CYYR1: variants seen among roughly 807,000 people sequenced by gnomAD.
The protein encoded by CYYR1 is cysteine and tyrosine-rich protein 1.
CYYR1 carries 14 observed loss-of-function variants against 15.2 expected under a neutral mutation model. That is an observed-to-expected ratio of 0.92 (90% confidence interval 0.61 to 1.44). CYYR1 has a LOEUF of 1.44. CYYR1 is among the 40% of genes most tolerant of loss of function. The pLI is 0.00. For missense variants in CYYR1, 228 were observed against 209.5 expected (o/e 1.09, Z -0.54); for synonymous variants, 80 against 77.4 (o/e 1.03, Z -0.18).
intron 2 of CYYR1, among the ~76,000 whole-genome samples, chr21:26,557,751 T>C (rs942426772): frequency 2.0e-5 from 3 of 152,138 alleles, no homozygotes; most frequent in African/African-American, 7.2e-5. Context: ...TATGTGATGT[T>C]TCATGCTCTC....
intron 2 of CYYR1, among the ~76,000 whole-genome samples, chr21:26,536,862 G>A (rs1431953866): frequency 6.6e-6 from 1 of 152,110 alleles, no homozygotes; most frequent in Non-Finnish European, 1.5e-5. Context: ...CTTTCTGGAT[G>A]CTAAATTTGC....
At chr21:26,570,836 C>A (rs1980963237) in intron 1 of CYYR1, among the ~76,000 whole-genome samples, 1 of 152,118 alleles carries the variant, frequency 6.6e-6, no homozygotes, top group African/African-American at 2.4e-5. Flanking sequence ...ATGTACAGAT[C>A]TTGATTTTTG....
intron 2 of CYYR1, chr21:26,564,754 A>C: frequency 8.1e-7 from 1 of 1,228,762 alleles, no homozygotes; most frequent in Admixed American, 2.4e-5. Context: ...CCAGATGACC[A>C]AAGAATCACA....
At chr21:26,495,464 T>TA (rs1295684412) in intron 2 of CYYR1, among the ~76,000 whole-genome samples, 3 of 152,316 alleles carry the variant, frequency 2.0e-5, no homozygotes, top group Non-Finnish European at 4.4e-5. Flanking sequence ...GTCACTTCAG[T>TA]AAAGTCACGT....
chr21:26,540,901 G>A (rs907547642), intron 2 of CYYR1, among the ~76,000 whole-genome samples: 5 of 152,148 alleles, frequency 3.3e-5, no homozygotes, highest in Non-Finnish European at 7.4e-5. Flanking sequence ...AAATATGTTT[G>A]TGATGAATGG....
chr21:26,572,803 G>A (rs534529050), intron 1 of CYYR1, 65 bp downstream of exon 1: 2 of 1,590,404 alleles, frequency 1.3e-6, no homozygotes, highest in Admixed American at 1.7e-5. Context: ...ACCCACGTTA[G>A]CCCGGACCGT....
intron 2 of CYYR1, among the ~76,000 whole-genome samples, chr21:26,494,970 T>C (rs2065375794): frequency 6.6e-6 from 1 of 152,184 alleles, no homozygotes; most frequent in South Asian, 2.1e-4. Context: ...TTCTTTTCTA[T>C]GTCCCAGAAG....
rs1229832178 is a variant in CYYR1 at position 26,517,302 on chromosome 21, A to C, written c.177-36873T>G. On this transcript the variant is annotated intron_variant, in intron 2 of 3. Coordinates refer to ENST00000652641, the MANE Select transcript of CYYR1 (RefSeq NM_001320768.2). ...TTCTGCAATCCATTGTTTACTTCAT[A>C]TTATTAGACAGTTTTAATATGGTAT... 2.0e-5 allele frequency among the ~76,000 whole-genome samples: 3 copies of C among 152,240 alleles called. No homozygotes were observed. In the East Asian group the frequency reaches 5.8e-4, roughly 29 times the overall value.
intron 2 of CYYR1, among the ~76,000 whole-genome samples, chr21:26,523,243 C>T (rs1278720382): frequency 6.6e-6 from 1 of 152,114 alleles, no homozygotes; most frequent in Non-Finnish European, 1.5e-5. Context: ...ACTATTGATG[C>T]TACCTCTAAA....
intron 2 of CYYR1, among the ~76,000 whole-genome samples, chr21:26,493,324 T>C (rs1263979683): frequency 6.6e-6 from 1 of 152,018 alleles, no homozygotes; most frequent in African/African-American, 2.4e-5. Context: ...GGAGAGTGGA[T>C]TTGATGGGTA....
chr21:26,520,818 C>T (rs1000392073), intron 2 of CYYR1, among the ~76,000 whole-genome samples: 1 of 152,144 alleles, frequency 6.6e-6, no homozygotes, highest in Non-Finnish European at 1.5e-5. Context: ...ATTTCTGTTT[C>T]TCTGATGATC....
chr21:26,507,028 A>C (rs2065576429), intron 2 of CYYR1, among the ~76,000 whole-genome samples: 1 of 152,198 alleles, frequency 6.6e-6, no homozygotes, highest in Admixed American at 6.5e-5. Flanking sequence ...ACTTCAAAAA[A>C]ATCAAAGAGT....
intron 2 of CYYR1, among the ~76,000 whole-genome samples, chr21:26,542,928 A>C (rs1166158636): frequency 6.6e-6 from 1 of 152,218 alleles, no homozygotes; most frequent in Non-Finnish European, 1.5e-5. Flanking sequence ...GCAAGGACTG[A>C]CTCACATTTA....
intron 2 of CYYR1, among the ~76,000 whole-genome samples, chr21:26,531,740 T>G (rs1331150072): frequency 6.6e-6 from 1 of 152,134 alleles, no homozygotes; most frequent in African/African-American, 2.4e-5. Flanking sequence ...GAACGGGCTA[T>G]GACAATGACT....
intron 2 of CYYR1, among the ~76,000 whole-genome samples, chr21:26,484,950 G>C (rs1162624991): frequency 6.6e-6 from 1 of 151,944 alleles, no homozygotes; most frequent in Non-Finnish European, 1.5e-5. Flanking sequence ...TCGTAAATTA[G>C]TTATTTAAGA....
Position 26,573,141 on chromosome 21 carries a change from G to A in CYYR1, c.-201C>T, listed in dbSNP as rs1415184386. On this transcript the variant is annotated 5_prime_UTR_variant, in exon 1 of 4. An upstream open reading frame in the 5' UTR gains an earlier in-frame stop. Transcript: ENST00000652641. The stretch of plus-strand genomic sequence containing the variant: ...AGCGACTGCGGGACTCCGCGGAGCT[G>A]GGGCGCCCGTGGCCCGAGACGGGCT... The A allele has an allele frequency of 6.7e-7, 1 of 1,495,498 alleles. No homozygotes were observed. 92.6% of individuals were successfully genotyped at this position (1,495,498 alleles called of 1,614,324 possible). A position where few individuals can be genotyped will look rare whatever the true frequency, so the allele number is the denominator to read the frequency against.
chr21:26,475,240 T>G (rs1183658948), intron 3 of CYYR1, among the ~76,000 whole-genome samples: 2 of 152,168 alleles, frequency 1.3e-5, no homozygotes, highest in Non-Finnish European at 2.9e-5. Context: ...CTCCTCAGTT[T>G]TTTTCACTCT....
chr21:26,489,178 C>T lies in CYYR1; in HGVS notation c.177-8749G>A, dbSNP rs140624015. Among the ~76,000 whole-genome samples the T allele has an allele frequency of 6.4e-3, 981 of 152,166 alleles. 12 individuals carry two copies. Among genetic ancestry groups the T allele is most frequent in the African/African-American group, 0.02 (810 of 41,534 alleles). On this transcript the variant is annotated intron_variant, in intron 2 of 3. Coordinates refer to ENST00000652641, the MANE Select transcript of CYYR1 (RefSeq NM_001320768.2). Reference sequence around the variant, plus strand: ...AATTGGGATTGTTCCTCATATCTTACGTAGAATTAAACTTTATGGCTCAGT... The same window carrying T: ...AATTGGGATTGTTCCTCATATCTTATGTAGAATTAAACTTTATGGCTCAGT...
intron 3 of CYYR1, chr21:26,477,702 A>C (rs1446023489): frequency 1.0e-6 from 1 of 962,696 alleles, no homozygotes; most frequent in East Asian, 1.2e-4. Context: ...CAAGCTAATG[A>C]GTATCTAGAA....
Sources: gnomAD v4.1 joint callset for allele counts (sites outside exome capture counted in the v4.1 genomes callset) on GRCh38, gnomAD v4.1.1 for gene constraint, MANE v1.5 for transcripts, NCBI Gene and HGNC (gene_info 2026-07-23, HGNC 2026-07-21) for gene names.